Variants in RNF139 observed in about 807,000 individuals in gnomAD.
The protein encoded by RNF139 is ring finger protein 139, also known as E3 ubiquitin-protein ligase RNF139.
RNF139 carries 15 observed loss-of-function variants against 49.5 expected under a neutral mutation model. The observed-to-expected ratio is 0.30, with a 90% confidence interval of 0.20 to 0.47. The LOEUF is 0.47. Among genes scored for constraint, RNF139 ranks in the 20% least tolerant of loss-of-function variants. The pLI is 1.00. For missense variants in RNF139, 619 were observed against 806.3 expected, an observed-to-expected ratio of 0.77 and a Z score of 2.81; for synonymous variants, 325 against 300.9, an observed-to-expected ratio of 1.08 and a Z score of -0.83.
intron 1 of RNF139, among the ~76,000 whole-genome samples, chr8:124,483,057 TAA>T (rs1368629586): frequency 1.5e-4 from 5 of 32,784 alleles, no homozygotes; most frequent in Admixed American, 4.4e-4. Context: ...ATATATCTAT[TAA>T]AAATATATAT....
chr8:124,487,405 C>T lies in RNF139; in HGVS notation c.1756C>T (p.His586Tyr), dbSNP rs539766686. ...CATTCAAGATACTTGTCCAATGTGC[C>T]ATCAGAAAGTATACATCGAAGATGA... is the stretch of plus-strand genomic sequence containing the variant. ...LYIQDTCPMCHQKVYIEDDIK... is the reference protein window; with the variant it reads ...LYIQDTCPMCYQKVYIEDDIK... The change falls in exon 2 of 2, where the codon CAT becomes TAT. Residue 586 changes from histidine (H) to tyrosine (Y), a missense_variant. By Grantham distance (83) the His-to-Tyr change is moderately conservative. This residue lies in a region of RNF139 where 530 missense variants were observed against 728.9 expected (regional missense o/e 0.73). Coordinates refer to ENST00000303545, the MANE Select transcript of RNF139 (RefSeq NM_007218.4). 2.5e-6 allele frequency: 4 copies of T among 1,614,020 alleles called. No individual in the cohort carries two copies. Among genetic ancestry groups the T allele is most frequent in the African/African-American group, 1.3e-5 (1 of 75,014 alleles).
chr8:124,479,388 T>C (rs1393680518), intron 1 of RNF139, among the ~76,000 whole-genome samples: 1 of 152,220 alleles, frequency 6.6e-6, no homozygotes, highest in Non-Finnish European at 1.5e-5. Context: ...GTATTAGGTC[T>C]AGCCATGCAA....
Position 124,475,207 on chromosome 8 carries a change from T to G in RNF139, c.98T>G (p.Ile33Ser). ...EVALRVPCLY[I>S]IDAIFNSYPD... ...GCGCTCCGGGTGCCCTGCCTTTACA[T>G]CATCGACGCCATCTTCAACTCCTAC... Residue 33 changes from isoleucine (I) to serine (S), a missense_variant, in exon 1 of 2, where the codon ATC becomes AGC. Physicochemically the swap from Ile to Ser is moderately radical, Grantham distance 142. This residue lies in a region of RNF139 where 89 missense variants were observed against 77.5 expected (regional missense o/e 1.15). Transcript: ENST00000303545. 1 of 1,611,398 alleles carries G rather than the reference T, an allele frequency of 6.2e-7. No homozygotes were observed. The highest frequency in any genetic ancestry group is 8.5e-7 in the Non-Finnish European group (1 of 1,178,318).
At position 124,486,027 on chromosome 8, in the gene RNF139, G is replaced by A; in HGVS notation, c.378G>A (p.Leu126=). ...TGCTTCCTCGAAAAGGTCCCTCGCT[G>A]TGGATGGCACTTATCGTTCTACAGC... ...IELLPRKGPS[L]WMALIVLQLT... is the part of the protein sequence containing the mutation. Residue 126 remains leucine, a synonymous_variant, in exon 2 of 2, where the codon CTG becomes CTA. Coordinates refer to ENST00000303545, the MANE Select transcript of RNF139 (RefSeq NM_007218.4). 1.2e-6 allele frequency: 2 copies of A among 1,614,176 alleles called. No individual in the cohort carries two copies. Among genetic ancestry groups the A allele is most frequent in the Non-Finnish European group, 1.7e-6 (2 of 1,180,004 alleles).
chr8:124,482,991 TAAAA>T lies in RNF139; in HGVS notation c.182-2838_182-2835del, dbSNP rs371076068. Among the ~76,000 whole-genome samples the T allele has an allele frequency of 2.8e-4, 28 of 99,786 alleles. 2 individuals carry two copies. The Admixed American group carries it at 3.8e-3, about 13-fold the overall frequency. 65.5% of individuals were successfully genotyped at this position (99,786 alleles called of 152,430 possible). A position where few individuals can be genotyped will look rare whatever the true frequency, so the allele number is the denominator to read the frequency against. ...TATATTATTTAAATATATATATATT[TAAAA>T]ATATATATATTAAAAATATATATAT... On this transcript the variant is annotated intron_variant, in intron 1 of 1. Transcript: ENST00000303545.
rs1410578180 is a variant in RNF139, at chr8:124,488,379, AG to A, written c.*736del. The A allele has an allele frequency of 3.2e-5, 11 of 348,380 alleles. No individual in the cohort carries two copies. The highest frequency in any genetic ancestry group is 5.8e-5 in the Non-Finnish European group (11 of 189,712). 21.6% of individuals were successfully genotyped at this position (348,380 alleles called of 1,614,324 possible). On this transcript the variant is annotated 3_prime_UTR_variant, in exon 2 of 2. Transcript: ENST00000303545. ...TTTGAAGATATTACAAAACAAAAATAGTTTTTTTTAAATTGTTTTAAACTAA... is the reference window on the plus strand; with the variant it reads ...TTTGAAGATATTACAAAACAAAAATATTTTTTTTAAATTGTTTTAAACTAA...
chr8:124,488,587 A>G lies in RNF139; in HGVS notation c.*943A>G. 2 of 1,373,670 alleles carry G rather than the reference A, an allele frequency of 1.5e-6. No homozygotes were observed. The highest frequency in any genetic ancestry group is 1.2e-5 in the South Asian group (1 of 80,398). 85.1% of individuals were successfully genotyped at this position (1,373,670 alleles called of 1,614,324 possible). On this transcript the variant is annotated 3_prime_UTR_variant, in exon 2 of 2. Transcript: ENST00000303545. Reference sequence around the variant, plus strand: ...ATACATGATGGAAAGTGGAAGACATATACCAATTATATTCCAGGAAAAAAT... The same window carrying G: ...ATACATGATGGAAAGTGGAAGACATGTACCAATTATATTCCAGGAAAAAAT...
At chr8:124,475,322 C>T in intron 1 of RNF139, 32 bp downstream of exon 1, 3 of 1,584,346 alleles carry the variant, frequency 1.9e-6, no homozygotes, top group Non-Finnish European at 2.6e-6. Flanking sequence ...CGTCCCGGGA[C>T]GGCTATGCGG....
rs778659048 is a variant in RNF139 at position 124,486,135 on chromosome 8, T to C, written c.486T>C (p.Pro162=). The part of the protein sequence containing the change: ...SQLIILDLLV[P]VIGLITELPL... ...TAATTATTTTGGATCTCTTGGTTCC[T>C]GTAATAGGCTTAATCACAGAGCTAC... Residue 162 remains proline (P), a synonymous_variant, in exon 2 of 2, where the codon CCT becomes CCC. Transcript: ENST00000303545. The C allele has an allele frequency of 6.8e-6, 11 of 1,614,092 alleles. No individual in the cohort carries two copies. In the East Asian group the frequency reaches 2.0e-4, roughly 29 times the overall value.
rs773358893 is a variant in RNF139 at position 124,486,048 on chromosome 8, A to G, written c.399A>G (p.Leu133=). The G allele has an allele frequency of 1.9e-6, 3 of 1,614,164 alleles. No homozygotes were observed. Among genetic ancestry groups the G allele is most frequent in the South Asian group, 1.1e-5 (1 of 91,082 alleles). The part of the protein sequence containing the change: ...GPSLWMALIV[L]QLTFGIGYVT... ...CGCTGTGGATGGCACTTATCGTTCT[A>G]CAGCTAACATTTGGAATTGGATACG... Residue 133 remains leucine (L), a synonymous_variant, in exon 2 of 2, where the codon CTA becomes CTG. Transcript: ENST00000303545.
At chr8:124,480,995 G>A (rs1008418807) in intron 1 of RNF139, among the ~76,000 whole-genome samples, 2 of 152,024 alleles carry the variant, frequency 1.3e-5, no homozygotes, top group Non-Finnish European at 2.9e-5. Flanking sequence ...CCTCTCTGTA[G>A]GGTTTGGCTT....
rs773627415 is a variant in RNF139, at chr8:124,486,752, A to T, written c.1103A>T (p.His368Leu). Residue 368 changes from histidine to leucine, a missense_variant, in exon 2 of 2, where the codon CAT becomes CTT. By Grantham distance (99) the His-to-Leu change is moderately conservative (BLOSUM62 -3). Around this residue, in one of 2 missense-constraint regions of RNF139, gnomAD observed 530 missense variants for 728.9 expected, o/e 0.73. Transcript: ENST00000303545. ...TTAACTGCAGTCCTGCATTTTATCC[A>T]TGGAATGACAGACCCTGTATTAATG... ...LLLTAVLHFIHGMTDPVLMSL... is the reference protein window; with the variant it reads ...LLLTAVLHFILGMTDPVLMSL... The T allele has an allele frequency of 6.2e-7, 1 of 1,613,938 alleles. No homozygotes were observed. Among genetic ancestry groups the T allele is most frequent in the South Asian group, 1.1e-5 (1 of 91,076 alleles).
At chr8:124,479,016 T>G (rs1160140097) in intron 1 of RNF139, among the ~76,000 whole-genome samples, 3 of 152,154 alleles carry the variant, frequency 2.0e-5, no homozygotes, top group Non-Finnish European at 2.9e-5. Flanking sequence ...TGAGCCACCG[T>G]GCCTGGCCCG....
chr8:124,477,554 C>T (rs1303784485), intron 1 of RNF139, among the ~76,000 whole-genome samples: 3 of 152,298 alleles, frequency 2.0e-5, no homozygotes, highest in South Asian at 4.1e-4. Context: ...GAAGTATTTA[C>T]TCCCCTCTAC....
chr8:124,482,865 G>T (rs1816440055), intron 1 of RNF139, among the ~76,000 whole-genome samples: 1 of 145,008 alleles, frequency 6.9e-6, no homozygotes, highest in South Asian at 2.1e-4. Flanking sequence ...GGCAGAGGTT[G>T]CAGTGAGCCA....
In RNF139 at chr8:124,475,229, C is replaced by T. The variant is rs964574270; in HGVS notation, c.120C>T (p.Ser40=). The change falls in exon 1 of 2, where the codon TCC becomes TCT. Residue 40 remains serine (S), a synonymous_variant. Transcript: ENST00000303545. ...CLYIIDAIFN[S]YPDSSQSRFC... is the part of the protein sequence containing the mutation. ...ACATCATCGACGCCATCTTCAACTC[C>T]TACCCGGATTCCAGCCAAAGCCGGT... 1.2e-6 allele frequency: 2 copies of T among 1,613,952 alleles called. No homozygotes were observed. Among genetic ancestry groups the T allele is most frequent in the Non-Finnish European group, 1.7e-6 (2 of 1,179,914 alleles).
intron 1 of RNF139, 73 bp downstream of exon 1, chr8:124,475,363 G>A: frequency 6.8e-7 from 1 of 1,475,378 alleles, no homozygotes; most frequent in Non-Finnish European, 9.3e-7. Context: ...GCGGGCAGGC[G>A]CGCAGAGGCC....
chr8:124,485,201 T>TA (rs1816508382), intron 1 of RNF139, among the ~76,000 whole-genome samples: 1 of 152,100 alleles, frequency 6.6e-6, no homozygotes, highest in Non-Finnish European at 1.5e-5. Context: ...CCGTCTCTAC[T>TA]AAAAATACAA....
At chr8:124,481,057 T>C (rs1016911161) in intron 1 of RNF139, among the ~76,000 whole-genome samples, 2 of 152,216 alleles carry the variant, frequency 1.3e-5, no homozygotes, top group African/African-American at 2.4e-5. Flanking sequence ...ATTATAAGTT[T>C]AGTTTAAAAG....
Sources: gnomAD v4.1 joint callset for allele counts (sites outside exome capture counted in the v4.1 genomes callset) on GRCh38, gnomAD v4.1.1 for gene constraint, gnomAD v4.1.1 regional missense constraint, MANE v1.5 for transcripts, NCBI Gene and HGNC (gene_info 2026-07-23, HGNC 2026-07-21) for gene names.